The following ATP6V0A1 variants were observed in gnomAD, a reference collection of about 807,000 sequenced individuals.
ATP6V0A1 encodes the protein V-type proton ATPase 116 kDa subunit a 1.
Under a neutral mutation model 105.4 loss-of-function variants are expected in ATP6V0A1, and 43 were observed. The ratio of observed to expected loss-of-function variants is 0.41; its 90% CI spans 0.32 to 0.53. The LOEUF (loss-of-function observed/expected upper bound fraction) is 0.53. Ranked by LOEUF, ATP6V0A1 falls within the 20% of genes least tolerant of loss-of-function variation. ATP6V0A1 has a pLI of 0.30. For synonymous variants in ATP6V0A1, 362 were observed against 372.8 expected (o/e 0.97, Z 0.33); for missense variants, 676 against 1,051.1 (o/e 0.64, Z 4.93).
At chr17:42,477,555 A>T in intron 5 of ATP6V0A1, 105 bp from the exon 6 acceptor site, 1 of 1,168,182 alleles carries the variant, frequency 8.6e-7, no homozygotes, top group Non-Finnish European at 1.2e-6. Flanking sequence ...TTTCATCCTT[A>T]TTTTCTGAAC....
Position 42,487,397 on chromosome 17 carries a change from G to A in ATP6V0A1, c.1023+30G>A, listed in dbSNP as rs199695748. The A allele has an allele frequency of 6.2e-5, 99 of 1,605,964 alleles. No individual in the cohort carries two copies. The East Asian group carries it at 6.7e-4, about 11-fold the overall frequency. The stretch of plus-strand genomic sequence containing the variant: ...GTCCCCAAAGCTAACAATGCAGCTC[G>A]TGGCCCGGAAGAGAGGTTCCCATCA... On this transcript the variant is annotated intron_variant, in intron 10 of 21. Transcript: ENST00000343619.
At chr17:42,487,053 C>T in intron 9 of ATP6V0A1, 102 bp from the exon 10 acceptor site, 7 of 1,156,932 alleles carry the variant, frequency 6.1e-6, no homozygotes, top group Non-Finnish European at 8.9e-6. Context: ...AGACAATTCC[C>T]TGGCAACTCT....
chr17:42,520,572 A>G (rs936219054), intron 21 of ATP6V0A1: 1 of 456,600 alleles, frequency 2.2e-6, no homozygotes, highest in South Asian at 1.5e-5. Context: ...TTCAACATTC[A>G]CTCCAAGCTC....
intron 18 of ATP6V0A1, among the ~76,000 whole-genome samples, chr17:42,508,176 C>T (rs2092141275): frequency 6.6e-6 from 1 of 152,184 alleles, no homozygotes; most frequent in Non-Finnish European, 1.5e-5. Context: ...AAGATACCAC[C>T]TCCAAGCCCA....
intron 12 of ATP6V0A1, chr17:42,494,710 C>A: frequency 1.9e-6 from 1 of 534,292 alleles, no homozygotes; most frequent in Non-Finnish European, 3.2e-6. Context: ...GAATTCGAGA[C>A]CAGCATAGGC....
chr17:42,480,100 A>G (rs1374136740), intron 7 of ATP6V0A1, among the ~76,000 whole-genome samples: 3 of 152,204 alleles, frequency 2.0e-5, no homozygotes, highest in Non-Finnish European at 2.9e-5. Context: ...TTAACACACC[A>G]TACACCTTTT....
At chr17:42,489,663 G>A (rs951324725) in intron 10 of ATP6V0A1, among the ~76,000 whole-genome samples, 3 of 152,194 alleles carry the variant, frequency 2.0e-5, no homozygotes, top group African/African-American at 7.2e-5. Context: ...CTGGCCAGGA[G>A]AATTAGGGTT....
intron 17 of ATP6V0A1, chr17:42,502,892 C>G (rs867117220): frequency 6.6e-6 from 1 of 152,616 alleles, no homozygotes. Flanking sequence ...AACCAACAAA[C>G]CATCACATTT....
At chr17:42,468,202 C>A in intron 4 of ATP6V0A1, 95 bp downstream of exon 4, 2 of 748,126 alleles carry the variant, frequency 2.7e-6, no homozygotes, top group Non-Finnish European at 4.1e-6. Flanking sequence ...TTCTTGCTAA[C>A]TTTGTCAGCA....
intron 14 of ATP6V0A1, among the ~76,000 whole-genome samples, chr17:42,498,623 G>T (rs931862742): frequency 1.3e-5 from 2 of 151,946 alleles, no homozygotes; most frequent in Non-Finnish European, 2.9e-5. Flanking sequence ...GTCATGAATC[G>T]AGACCATCCT....
chr17:42,489,581 C>CTGGT (rs1193303138), intron 10 of ATP6V0A1, among the ~76,000 whole-genome samples: 1 of 152,084 alleles, frequency 6.6e-6, no homozygotes, highest in Non-Finnish European at 1.5e-5. Flanking sequence ...ATAGGGCTAC[C>CTGGT]TGGTTCCTAG....
chr17:42,515,383 C>T (rs2092570743), intron 21 of ATP6V0A1, among the ~76,000 whole-genome samples: 1 of 150,930 alleles, frequency 6.6e-6, no homozygotes, highest in South Asian at 2.1e-4. Context: ...AGGAAAGAAT[C>T]TCTTAAACCC....
chr17:42,493,472 A>G (rs1249709270), intron 11 of ATP6V0A1, among the ~76,000 whole-genome samples: 2 of 152,152 alleles, frequency 1.3e-5, no homozygotes, highest in East Asian at 1.9e-4. Flanking sequence ...TCAAGGTTAC[A>G]CCTTCATTTC....
At chr17:42,485,576 G>C (rs889119613) in intron 9 of ATP6V0A1, among the ~76,000 whole-genome samples, 4 of 148,466 alleles carry the variant, frequency 2.7e-5, no homozygotes, top group Non-Finnish European at 6.0e-5. Flanking sequence ...TTGTTTTAAA[G>C]ACAGATCTCA....
chr17:42,487,394 C>A, intron 10 of ATP6V0A1, 27 bp downstream of exon 10: 2 of 1,607,224 alleles, frequency 1.2e-6, no homozygotes, highest in Non-Finnish European at 1.7e-6. Context: ...AACAATGCAG[C>A]TCGTGGCCCG....
At chr17:42,502,994 TACTC>T (rs1444124646) in intron 17 of ATP6V0A1, 2 of 152,376 alleles carry the variant, frequency 1.3e-5, no homozygotes, top group African/African-American at 2.4e-5. Flanking sequence ...ATGTCCTTGT[TACTC>T]ACTGAGATGA....
Position 42,490,521 on chromosome 17 carries a change from A to G in ATP6V0A1, c.1058A>G (p.Asn353Ser). 6.2e-7 allele frequency: 1 copy of G among 1,610,788 alleles called. No homozygotes were observed. Among genetic ancestry groups the G allele is most frequent in the Non-Finnish European group, 8.5e-7 (1 of 1,179,066 alleles). The change falls in exon 11 of 22, where the codon AAC (asparagine) becomes AGC (serine). Residue 353 changes from asparagine to serine, a missense_variant. This residue lies in a region of ATP6V0A1 where 435 missense variants were observed against 642.2 expected (regional missense o/e 0.68). Coordinates refer to ENST00000343619, the MANE Select transcript of ATP6V0A1 (RefSeq NM_001130021.3). Reference protein sequence around the residue: ...HSGSTVPSILNRMQTNQTPPT... With the variant: ...HSGSTVPSILSRMQTNQTPPT... ...GGTTCCACTGTACCTTCCATTTTGA[A>G]CAGGATGCAGACAAACCAGACTCCC...
At chr17:42,474,006 ATT>A (rs906194746) in intron 5 of ATP6V0A1, among the ~76,000 whole-genome samples, 2 of 137,898 alleles carry the variant, frequency 1.5e-5, no homozygotes, top group Non-Finnish European at 3.2e-5. Flanking sequence ...TCCCTCTCCT[ATT>A]TTTTTTTTTT....
At chr17:42,499,277 C>T (rs998332973) in intron 15 of ATP6V0A1, among the ~76,000 whole-genome samples, 4 of 152,122 alleles carry the variant, frequency 2.6e-5, no homozygotes, top group African/African-American at 9.7e-5. Flanking sequence ...TCGAAACCAG[C>T]CTGGCCAACA....
Sources: gnomAD v4.1 joint callset for allele counts (sites outside exome capture counted in the v4.1 genomes callset) on GRCh38, gnomAD v4.1.1 for gene constraint, gnomAD v4.1.1 regional missense constraint, MANE v1.5 for transcripts, NCBI Gene and HGNC (gene_info 2026-07-23, HGNC 2026-07-21) for gene names.